ALDH16A1: variants seen among roughly 807,000 people sequenced by gnomAD.
ALDH16A1 encodes aldehyde dehydrogenase family 16 member A1.
Under a neutral mutation model 96.1 loss-of-function variants are expected in ALDH16A1, and 88 were observed. The ratio of observed to expected loss-of-function variants is 0.92; its 90% CI spans 0.77 to 1.09. The LOEUF is 1.09. ALDH16A1 is among the 50% of genes least tolerant of loss of function. ALDH16A1 has a pLI of 0.00. For missense variants in ALDH16A1, 1,250 were observed against 1,112.6 expected, an observed-to-expected ratio of 1.12 and a Z score of -1.76; for synonymous variants, 522 against 496.4, an observed-to-expected ratio of 1.05 and a Z score of -0.69.
chr19:49,459,098 G>C lies in ALDH16A1; in HGVS notation c.320+12G>C. 1.2e-6 allele frequency: 2 copies of C among 1,609,748 alleles called. No homozygotes were observed. Among genetic ancestry groups the C allele is most frequent in the Non-Finnish European group, 1.7e-6 (2 of 1,177,746 alleles). On this transcript the variant is annotated intron_variant, in intron 3 of 16. Transcript: ENST00000293350. This position sits in a 1 kb window ranked among gnomAD's most constrained non-coding sequence, Gnocchi z 4.1. ...CAGCACCTGACCAGGTGATGCAGCT[G>C]AGGTGTGGACCCCGGGAGGCGGGGA...
At chr19:49,458,926 C>T (rs201988488) in intron 2 of ALDH16A1, 34 bp from the exon 3 acceptor site, 57 of 1,601,836 alleles carry the variant, frequency 3.6e-5, no homozygotes, top group Middle Eastern at 1.7e-4. Context: ...ATGGGCTACT[C>T]CTCCCATCTG....
Position 49,461,872 on chromosome 19 carries a change from G to A in ALDH16A1, c.760-12G>A. The A allele has an allele frequency of 7.5e-6, 12 of 1,592,048 alleles. No homozygotes were observed. The highest frequency in any genetic ancestry group is 1.0e-5 in the Non-Finnish European group (12 of 1,169,578). ...AGGCTCCTCCTGCGGCTGAACTGGG[G>A]GGGGTCCCTAGGAAGGGCGTGCCCT... On this transcript the variant is annotated splice_polypyrimidine_tract_variant and intron_variant, in intron 6 of 16. Transcript: ENST00000293350.
At position 49,461,921 on chromosome 19, in the gene ALDH16A1, G is replaced by C; in HGVS notation, c.797G>C (p.Cys266Ser). 5 of 1,577,166 alleles carry C rather than the reference G, an allele frequency of 3.2e-6. No homozygotes were observed. Among genetic ancestry groups the C allele is most frequent in the Non-Finnish European group, 4.3e-6 (5 of 1,162,786 alleles). Reference protein sequence around the residue: ...RALRRSLAGECAELGLALGTE... With the variant: ...RALRRSLAGESAELGLALGTE... ...CTTCGACGGAGCCTGGCGGGAGAGT[G>C]TGCGGAGCTGGGCCTGGCGCTGGGG... The change falls in exon 7 of 17, where the codon TGT (cysteine) becomes TCT (serine). Residue 266 changes from cysteine to serine, a missense_variant. Coordinates refer to ENST00000293350, the MANE Select transcript of ALDH16A1 (RefSeq NM_153329.4).
chr19:49,464,296 T>C (rs750601987), intron 10 of ALDH16A1, 33 bp downstream of exon 10: 1 of 1,594,866 alleles, frequency 6.3e-7, no homozygotes, highest in South Asian at 1.1e-5. Flanking sequence ...CTCACTCCTC[T>C]CCTCATTCTT....
Position 49,453,390 on chromosome 19 carries a change from G to T in ALDH16A1, c.59G>T (p.Gly20Val), listed in dbSNP as rs146400216. Residue 20 changes from glycine (G) to valine (V), a missense_variant, in exon 1 of 17, where the codon GGA becomes GTA. Transcript: ENST00000293350. ...AREIFTSLEY[G>V]PVPESHACAL... is the part of the protein sequence containing the mutation. ...GAGATCTTCACCTCGCTGGAGTACG[G>T]ACCGGTGCCGGAGAGCCACGCATGC... 4 of 1,562,714 alleles carry T rather than the reference G, an allele frequency of 2.6e-6. No homozygotes were observed. The African/African-American group carries it at 5.4e-5, about 21-fold the overall frequency.
At chr19:49,458,721 T>G in intron 2 of ALDH16A1, 133 bp downstream of exon 2, 4 of 1,096,200 alleles carry the variant, frequency 3.6e-6, no homozygotes, top group Non-Finnish European at 5.3e-6. Flanking sequence ...GGCTGCGATG[T>G]CTGGTTCCTT....
intron 2 of ALDH16A1, 145 bp from the exon 3 acceptor site, chr19:49,458,815 C>A (rs1568648654): frequency 8.0e-7 from 1 of 1,252,238 alleles, no homozygotes; most frequent in Non-Finnish European, 1.1e-6. Flanking sequence ...CTTCCTTGCC[C>A]TGGAGGTGAT....
rs771330332 is a variant in ALDH16A1 at position 49,464,660 on chromosome 19, G to A, written c.1466G>A (p.Gly489Glu). The A allele has an allele frequency of 6.2e-7, 1 of 1,614,022 alleles. No homozygotes were observed. Among genetic ancestry groups the A allele is most frequent in the Non-Finnish European group, 8.5e-7 (1 of 1,180,032 alleles). ...CTGTATGAGTATCTGCGGCCCTCAG[G>A]GACCCCTGCCCGGCTGTCCTGCCTC... Reference protein sequence around the residue: ...DGLYEYLRPSGTPARLSCLSK... With the variant: ...DGLYEYLRPSETPARLSCLSK... The change falls in exon 12 of 17, where the codon GGG (glycine) becomes GAG (glutamate). Residue 489 changes from glycine (G) to glutamate (E), a missense_variant. By Grantham distance (98) the Gly-to-Glu change is moderately conservative. Coordinates refer to ENST00000293350, the MANE Select transcript of ALDH16A1 (RefSeq NM_153329.4).
chr19:49,459,139 C>G lies in ALDH16A1; in HGVS notation c.320+53C>G. The G allele has an allele frequency of 1.9e-6, 3 of 1,577,194 alleles. No individual in the cohort carries two copies. The highest frequency in any genetic ancestry group is 2.6e-6 in the Non-Finnish European group (3 of 1,159,612). Reference sequence around the variant, plus strand: ...GAGGCGGGGAACCCCAGCATCCACTCGAGACCATGGGAACAAAGGCTATTT... The same window carrying G: ...GAGGCGGGGAACCCCAGCATCCACTGGAGACCATGGGAACAAAGGCTATTT... On this transcript the variant is annotated intron_variant, in intron 3 of 16. Coordinates refer to ENST00000293350, the MANE Select transcript of ALDH16A1 (RefSeq NM_153329.4). This position sits in a 1 kb window ranked among gnomAD's most constrained non-coding sequence, Gnocchi z 4.1.
chr19:49,461,982 C>A lies in ALDH16A1; in HGVS notation c.858C>A (p.Asp286Glu). ...ESLLLLTDTA[D>E]VDSAVEGVVD... ...TGCTGCTGCTGACGGACACGGCGGA[C>A]GTAGACTCGGCCGTGGAGGGTGTCG... The change falls in exon 7 of 17, where the codon GAC becomes GAA. Residue 286 changes from aspartate (D) to glutamate (E), a missense_variant. Asp to Glu is a conservative substitution (Grantham distance 45). Transcript: ENST00000293350. 1.3e-6 allele frequency: 2 copies of A among 1,552,452 alleles called. No individual in the cohort carries two copies. The highest frequency in any genetic ancestry group is 1.7e-6 in the Non-Finnish European group (2 of 1,152,260).
intron 1 of ALDH16A1, among the ~76,000 whole-genome samples, chr19:49,455,937 G>A (rs1601016283): frequency 6.6e-6 from 1 of 151,944 alleles, no homozygotes; most frequent in Admixed American, 6.6e-5. Context: ...GTAAACATCC[G>A]GGAGGTCCTC....
At position 49,453,424 on chromosome 19, in the gene ALDH16A1, G is replaced by A. The variant is rs751236802; in HGVS notation, c.90+3G>A. On this transcript the variant is annotated splice_donor_region_variant and intron_variant, in intron 1 of 16. Coordinates refer to ENST00000293350, the MANE Select transcript of ALDH16A1 (RefSeq NM_153329.4). ...CGGAGAGCCACGCATGCGCACTGGTGAGAGTCTGCCCGGCCGGCGCTGCTC... is the reference window on the plus strand; with the variant it reads ...CGGAGAGCCACGCATGCGCACTGGTAAGAGTCTGCCCGGCCGGCGCTGCTC... 6.5e-7 allele frequency: 1 copy of A among 1,539,780 alleles called. No individual in the cohort carries two copies. The highest frequency in any genetic ancestry group is 1.9e-5 in the Admixed American group (1 of 51,816).
At chr19:49,455,877 G>A (rs908568518) in intron 1 of ALDH16A1, among the ~76,000 whole-genome samples, 1 of 152,188 alleles carries the variant, frequency 6.6e-6, no homozygotes, top group Non-Finnish European at 1.5e-5. Flanking sequence ...GTTTTCTTTG[G>A]CGTGAACTTT....
intron 7 of ALDH16A1, 138 bp from the exon 8 acceptor site, chr19:49,462,432 G>T: frequency 8.8e-7 from 1 of 1,136,258 alleles, no homozygotes; most frequent in Non-Finnish European, 1.2e-6. Context: ...ACCGCATCCG[G>T]CCTCTCTGTT....
Position 49,466,082 on chromosome 19 carries a change from C to T in ALDH16A1, c.1737C>T (p.Gly579=), listed in dbSNP as rs1601039172. The T allele has an allele frequency of 6.5e-7, 1 of 1,541,758 alleles. No homozygotes were observed. Residue 579 remains glycine, a splice_region_variant and synonymous_variant, in exon 14 of 17, where the codon GGC becomes GGT. Coordinates refer to ENST00000293350, the MANE Select transcript of ALDH16A1 (RefSeq NM_153329.4). ...AVEAAHQAFP[G]WAGQSPGARA... is the part of the protein sequence containing the mutation. Reference sequence around the variant, plus strand: ...CCCACTGTGCGCTGTCTGCCCACAGCTGGGCGGGCCAGTCCCCAGGAGCCC... The same window carrying T: ...CCCACTGTGCGCTGTCTGCCCACAGTTGGGCGGGCCAGTCCCCAGGAGCCC...
chr19:49,454,317 C>T (rs1467759294), intron 1 of ALDH16A1, among the ~76,000 whole-genome samples: 2 of 152,130 alleles, frequency 1.3e-5, no homozygotes, highest in Non-Finnish European at 2.9e-5. Context: ...GCTACTGCAC[C>T]CAGCCACATC....
chr19:49,462,332 A>C (rs990444659), intron 7 of ALDH16A1, among the ~76,000 whole-genome samples: 2 of 151,918 alleles, frequency 1.3e-5, no homozygotes, highest in African/African-American at 4.8e-5. Flanking sequence ...ACGGGGTTTC[A>C]CCATGTTGGC....
In ALDH16A1 at chr19:49,468,655, AC is replaced by A; in HGVS notation, c.2124+93del. The A allele has an allele frequency of 6.6e-7, 1 of 1,504,176 alleles. No homozygotes were observed. The highest frequency in any genetic ancestry group is 2.3e-5 in the East Asian group (1 of 44,090). The allele number at this position is 1,504,176 out of a possible 1,614,324, so 93.2% of individuals were successfully genotyped here. A position where few individuals can be genotyped will look rare whatever the true frequency, so the allele number is the denominator to read the frequency against. ...CAAAGTCGGCAGGAGCTTGTCTCTT[AC>A]CCCACCCTCCGTGGTACCCATGCTG... On this transcript the variant is annotated intron_variant, in intron 15 of 16. Transcript: ENST00000293350. The surrounding 1 kb of genome is among the most constrained non-coding windows in gnomAD (Gnocchi z 4.4).
chr19:49,454,505 C>G (rs1474003628), intron 1 of ALDH16A1, among the ~76,000 whole-genome samples: 1 of 152,042 alleles, frequency 6.6e-6, no homozygotes, highest in African/African-American at 2.4e-5. Flanking sequence ...TCCCATGACC[C>G]CTCAGAGGCC....
Sources: gnomAD v4.1 joint callset for allele counts (sites outside exome capture counted in the v4.1 genomes callset) on GRCh38, gnomAD v4.1.1 for gene constraint, Gnocchi (gnomAD v3.1) non-coding constraint, MANE v1.5 for transcripts, NCBI Gene and HGNC (gene_info 2026-07-23, HGNC 2026-07-21) for gene names.